KIFAP3: variants seen among roughly 807,000 people sequenced by gnomAD.
KIFAP3 encodes kinesin-associated protein 3.
A neutral mutation model predicts 106.5 loss-of-function variants in KIFAP3; 68 were observed. The ratio of observed to expected loss-of-function variants is 0.64; its 90% CI spans 0.53 to 0.78. KIFAP3 has a LOEUF of 0.78. Among genes scored for constraint, KIFAP3 ranks in the 30% least tolerant of loss-of-function variants. The pLI, the probability that KIFAP3 is intolerant of heterozygous loss-of-function variation, is 0.00. For missense variants in KIFAP3, 780 were observed against 941.8 expected (o/e 0.83, Z 2.25); for synonymous variants, 320 against 311.5 (o/e 1.03, Z -0.29).
chr1:170,016,052 T>G (rs1482759164), intron 10 of KIFAP3, among the ~76,000 whole-genome samples: 1 of 152,150 alleles, frequency 6.6e-6, no homozygotes, highest in East Asian at 1.9e-4. Flanking sequence ...TTTAACTTAG[T>G]AACAAAAAGT....
At chr1:169,932,567 C>G (rs1663550238) in intron 19 of KIFAP3, among the ~76,000 whole-genome samples, 1 of 151,974 alleles carries the variant, frequency 6.6e-6, no homozygotes, top group Admixed American at 6.6e-5. Context: ...ATAAAACAGA[C>G]AAGTCTGACA....
intron 1 of KIFAP3, among the ~76,000 whole-genome samples, chr1:170,058,897 G>C (rs187445067): frequency 7.2e-5 from 11 of 151,882 alleles, no homozygotes; most frequent in Admixed American, 1.3e-4. Context: ...AAACGTCTCA[G>C]GTTAACTGCT....
At chr1:170,037,776 C>T (rs1669765883) in intron 5 of KIFAP3, among the ~76,000 whole-genome samples, 1 of 151,934 alleles carries the variant, frequency 6.6e-6, no homozygotes, top group Non-Finnish European at 1.5e-5. Context: ...GTCTCAAAAA[C>T]AAAAACAAAA....
chr1:169,967,966 A>G (rs1665715320), intron 17 of KIFAP3, among the ~76,000 whole-genome samples: 1 of 151,914 alleles, frequency 6.6e-6, no homozygotes, highest in Admixed American at 6.6e-5. Flanking sequence ...CAGCTAAGGT[A>G]TGTCATCAAA....
intron 11 of KIFAP3, chr1:169,990,225 A>C (rs944680960): frequency 4.4e-5 from 44 of 998,508 alleles, no homozygotes; most frequent in Non-Finnish European, 6.0e-5. Context: ...GGCATTTTTG[A>C]AATACCAAAA....
chr1:169,928,699 C>CAAAA (rs10690029), intron 19 of KIFAP3, among the ~76,000 whole-genome samples: 10,736 of 37,606 alleles, frequency 0.29, 1,620 homozygotes, highest in East Asian at 0.51. Flanking sequence ...ACCCTGTCTC[C>CAAAA]AAAAAAAAAA....
In KIFAP3 at chr1:169,954,128, T is replaced by G; in HGVS notation, c.2174-18A>C. 2 of 1,446,228 alleles carry G rather than the reference T, an allele frequency of 1.4e-6. No individual in the cohort carries two copies. Among genetic ancestry groups the G allele is most frequent in the East Asian group, 4.5e-5 (2 of 44,066 alleles). The allele number at this position is 1,446,228 out of a possible 1,614,324, so 89.6% of individuals were successfully genotyped here. On this transcript the variant is annotated intron_variant, in intron 18 of 19. Coordinates refer to ENST00000361580, the MANE Select transcript of KIFAP3 (RefSeq NM_014970.4). The stretch of plus-strand genomic sequence containing the variant: ...TAATCCATCTAGAAAGAAAAAAAAA[T>G]GGTAACCAGTAAAACATATGTGTAG...
intron 10 of KIFAP3, among the ~76,000 whole-genome samples, chr1:170,007,907 G>A (rs530382458): frequency 1.1e-4 from 16 of 152,218 alleles, no homozygotes; most frequent in South Asian, 1.0e-3. Flanking sequence ...CATGGTACTC[G>A]TACCAAAACA....
intron 19 of KIFAP3, among the ~76,000 whole-genome samples, chr1:169,928,365 TGGGATTACAGGC>T (rs1280157290): frequency 6.6e-6 from 1 of 152,136 alleles, no homozygotes; most frequent in African/African-American, 2.4e-5. Flanking sequence ...CCCAAAGTGC[TGGGATTACAGGC>T]GTGAGCCACT....
chr1:170,058,221 A>C (rs879419652), intron 1 of KIFAP3, among the ~76,000 whole-genome samples: 2 of 152,226 alleles, frequency 1.3e-5, no homozygotes, highest in Non-Finnish European at 2.9e-5. Context: ...CCAAAAATGC[A>C]GTCCTTAACT....
intron 1 of KIFAP3, among the ~76,000 whole-genome samples, chr1:170,073,658 A>C (rs1671799939): frequency 6.6e-6 from 1 of 152,074 alleles, no homozygotes; most frequent in Admixed American, 6.5e-5. Flanking sequence ...ACTGAATTAA[A>C]ATTTTTTTCT....
intron 18 of KIFAP3, among the ~76,000 whole-genome samples, chr1:169,958,683 A>C (rs1665160731): frequency 2.0e-5 from 3 of 152,210 alleles, no homozygotes; most frequent in African/African-American, 4.8e-5. Flanking sequence ...ACTAAGATTC[A>C]CTAAAATTAA....
chr1:170,029,969 A>T (rs991998254), intron 8 of KIFAP3, among the ~76,000 whole-genome samples: 5 of 152,108 alleles, frequency 3.3e-5, no homozygotes, highest in Admixed American at 2.6e-4. Context: ...CCATATACAA[A>T]AATTAACTCA....
At chr1:170,057,688 C>A (rs1333505210) in intron 1 of KIFAP3, among the ~76,000 whole-genome samples, 1 of 151,366 alleles carries the variant, frequency 6.6e-6, no homozygotes, top group Non-Finnish European at 1.5e-5. Flanking sequence ...AGCTGAGTAG[C>A]ATTCACAATG....
chr1:169,957,097 T>C (rs759337544), intron 18 of KIFAP3, among the ~76,000 whole-genome samples: 3 of 152,244 alleles, frequency 2.0e-5, no homozygotes, highest in African/African-American at 4.8e-5. Flanking sequence ...TTTCTTAACA[T>C]TGTTCCACCA....
intron 3 of KIFAP3, among the ~76,000 whole-genome samples, chr1:170,042,153 T>A (rs1252084411): frequency 6.6e-6 from 1 of 152,236 alleles, no homozygotes; most frequent in African/African-American, 2.4e-5. Flanking sequence ...TATATTGTAA[T>A]TTTGTCTTGG....
intron 15 of KIFAP3, among the ~76,000 whole-genome samples, chr1:169,981,730 T>C (rs1175599759): frequency 6.6e-6 from 1 of 152,184 alleles, no homozygotes; most frequent in Non-Finnish European, 1.5e-5. Context: ...AGTACTTCTG[T>C]AAAATTGGTC....
At position 169,945,483 on chromosome 1, in the gene KIFAP3, G is replaced by A. The variant is rs760414616; in HGVS notation, c.2273+8528C>T. Among the ~76,000 whole-genome samples, 168 of 152,266 alleles carry A rather than the reference G, an allele frequency of 1.1e-3. 1 individual carries two copies. The highest frequency in any genetic ancestry group is 1.7e-3 in the Non-Finnish European group (117 of 68,006). On this transcript the variant is annotated intron_variant, in intron 19 of 19. Transcript: ENST00000361580. ...CTGTGTAGCTCACAGTGTCAGCTGCGCCTCCCCAACTGCAGCTGGCATCCC... is the reference window on the plus strand; with the variant it reads ...CTGTGTAGCTCACAGTGTCAGCTGCACCTCCCCAACTGCAGCTGGCATCCC...
At chr1:169,971,660 C>G (rs1192570435) in intron 17 of KIFAP3, among the ~76,000 whole-genome samples, 1 of 151,768 alleles carries the variant, frequency 6.6e-6, no homozygotes, top group Non-Finnish European at 1.5e-5. Context: ...GCAGAAAATC[C>G]AACTTAGTGG....
Sources: gnomAD v4.1 joint callset for allele counts (sites outside exome capture counted in the v4.1 genomes callset) on GRCh38, gnomAD v4.1.1 for gene constraint, MANE v1.5 for transcripts, NCBI Gene and HGNC (gene_info 2026-07-23, HGNC 2026-07-21) for gene names.